The following KCNIP1 variants were observed in gnomAD, a reference collection of about 807,000 sequenced individuals.
The protein encoded by KCNIP1 is A-type potassium channel modulatory protein KCNIP1.
A neutral mutation model predicts 33.0 loss-of-function variants in KCNIP1; 18 were observed. The ratio of observed to expected loss-of-function variants is 0.55; its 90% CI spans 0.38 to 0.81. KCNIP1 has a LOEUF of 0.81. Ranked by LOEUF, KCNIP1 falls within the 30% of genes least tolerant of loss-of-function variation. The pLI is 0.00. For synonymous variants in KCNIP1, 93 were observed against 98.3 expected (o/e 0.95, Z 0.32); for missense variants, 238 against 271.6 (o/e 0.88, Z 0.87).
At chr5:170,426,247 TCA>T (rs143211356) in intron 1 of KCNIP1, among the ~76,000 whole-genome samples, 32 of 149,226 alleles carry the variant, frequency 2.1e-4, no homozygotes, top group East Asian at 3.9e-4. Context: ...TCAAAAGGAA[TCA>T]CACACACACA....
chr5:170,451,723 T>TGTGTGTGTGTGTGTGTGTG lies in KCNIP1; in HGVS notation c.88+97759_88+97760insGTGTGTGTGTGTGTGTGTG, dbSNP rs1756255311. Among the ~76,000 whole-genome samples the TGTGTGTGTGTGTGTGTGTG allele has an allele frequency of 1.5e-3, 189 of 122,976 alleles. 1 individual carries two copies. Among genetic ancestry groups the TGTGTGTGTGTGTGTGTGTG allele is most frequent in the African/African-American group, 4.9e-3 (152 of 31,114 alleles). 80.7% of individuals were successfully genotyped at this position (122,976 alleles called of 152,430 possible). A position where few individuals can be genotyped will look rare whatever the true frequency, so the allele number is the denominator to read the frequency against. On this transcript the variant is annotated intron_variant, in intron 1 of 7. Coordinates refer to the KCNIP1 transcript ENST00000377360. ...GACAGTTGCTTCAGCTTCTCCTGCATTGTGTGTGTGTGTGTGTGTGTGTGT... is the reference window on the plus strand; with the variant it reads ...GACAGTTGCTTCAGCTTCTCCTGCATGTGTGTGTGTGTGTGTGTGTGTGTGTGTGTGTGTGTGTGTGTGT...
chr5:170,710,630 T>C (rs1003956758), intron 1 of KCNIP1, among the ~76,000 whole-genome samples: 1 of 152,234 alleles, frequency 6.6e-6, no homozygotes, highest in African/African-American at 2.4e-5. Flanking sequence ...ACTGAGCTGT[T>C]TTCATGCAGG....
intron 1 of KCNIP1, among the ~76,000 whole-genome samples, chr5:170,408,721 C>T (rs1755101914): frequency 6.6e-6 from 1 of 152,086 alleles, no homozygotes; most frequent in African/African-American, 2.4e-5. Flanking sequence ...TTAAATACCC[C>T]CTGGCTTCTT....
intron 1 of KCNIP1, among the ~76,000 whole-genome samples, chr5:170,392,505 G>C (rs1324958918): frequency 6.6e-6 from 1 of 152,188 alleles, no homozygotes; most frequent in African/African-American, 2.4e-5. Context: ...ATTGCTATAT[G>C]GAGTGTTACA....
intron 1 of KCNIP1, among the ~76,000 whole-genome samples, chr5:170,711,491 C>T (rs867529036): frequency 2.6e-5 from 4 of 152,258 alleles, no homozygotes; most frequent in East Asian, 3.9e-4. Context: ...GGATACATGA[C>T]GTCATGCATT....
chr5:170,367,310 G>A (rs1461889994), intron 1 of KCNIP1, among the ~76,000 whole-genome samples: 11 of 137,026 alleles, frequency 8.0e-5, no homozygotes, highest in Admixed American at 3.9e-4. Context: ...GCAAAACTCC[G>A]TCTCAAAAAA....
chr5:170,470,972 A>G (rs1756709552), intron 1 of KCNIP1, among the ~76,000 whole-genome samples: 1 of 152,200 alleles, frequency 6.6e-6, no homozygotes, highest in Admixed American at 6.5e-5. Context: ...CTGAAACACA[A>G]CTCAGGGACG....
At chr5:170,589,758 G>A (rs796711209) in intron 1 of KCNIP1, among the ~76,000 whole-genome samples, 11,541 of 137,292 alleles carry the variant, frequency 0.084, 575 homozygotes, top group South Asian at 0.12. Flanking sequence ...GTGTGGTGTG[G>A]TGTGGTGTGG....
chr5:170,526,103 G>A lies in KCNIP1; in HGVS notation c.61+21470G>A, dbSNP rs529820723. Among the ~76,000 whole-genome samples, 6 of 152,266 alleles carry A rather than the reference G, an allele frequency of 3.9e-5. No homozygotes were observed. In the South Asian group the frequency reaches 6.2e-4, roughly 16 times the overall value. On this transcript the variant is annotated intron_variant, in intron 1 of 7. Transcript: ENST00000328939. ...GTGCTCAGGGTCATCAGGCACTTTCGCCTGTGGCTGGGATTGAGACCTGGC... is the reference window on the plus strand; with the variant it reads ...GTGCTCAGGGTCATCAGGCACTTTCACCTGTGGCTGGGATTGAGACCTGGC...
chr5:170,357,183 T>C (rs1763371415), intron 1 of KCNIP1, among the ~76,000 whole-genome samples: 2 of 152,134 alleles, frequency 1.3e-5, no homozygotes, highest in Admixed American at 6.5e-5. Context: ...CACAGTTGGT[T>C]TCTAGACTGA....
At chr5:170,596,043 C>T (rs536343755) in intron 1 of KCNIP1, among the ~76,000 whole-genome samples, 3 of 152,174 alleles carry the variant, frequency 2.0e-5, no homozygotes, top group Non-Finnish European at 4.4e-5. Flanking sequence ...GAGGCTCCCT[C>T]TAAGATGCAG....
At chr5:170,541,129 ACT>A (rs1260422749) in intron 1 of KCNIP1, among the ~76,000 whole-genome samples, 1 of 151,582 alleles carries the variant, frequency 6.6e-6, no homozygotes, top group Admixed American at 6.6e-5. Flanking sequence ...AGGCCCTTCC[ACT>A]CTCTGAGCCT....
intron 1 of KCNIP1, among the ~76,000 whole-genome samples, chr5:170,426,343 A>C (rs1196081835): frequency 1.3e-5 from 2 of 152,214 alleles, no homozygotes; most frequent in Non-Finnish European, 2.9e-5. Context: ...TGTTCCAGAC[A>C]AACCCTGTTA....
chr5:170,654,407 T>A (rs924860362), intron 1 of KCNIP1, among the ~76,000 whole-genome samples: 2 of 152,224 alleles, frequency 1.3e-5, no homozygotes, highest in Non-Finnish European at 1.5e-5. Context: ...CCATAAATTG[T>A]ATGTACTATT....
chr5:170,383,695 C>G (rs150439459), intron 1 of KCNIP1: 1 of 1,614,108 alleles, frequency 6.2e-7, no homozygotes, highest in Admixed American at 1.7e-5. Context: ...GTTCTGGTCC[C>G]GAGTGTCCTC....
intron 1 of KCNIP1, among the ~76,000 whole-genome samples, chr5:170,492,845 G>T (rs889063318): frequency 3.3e-5 from 5 of 152,182 alleles, no homozygotes; most frequent in Non-Finnish European, 1.5e-5. Flanking sequence ...TGCCTCCCAG[G>T]TTCAAGTGAT....
chr5:170,642,590 C>T (rs1760613142), intron 1 of KCNIP1, among the ~76,000 whole-genome samples: 1 of 152,178 alleles, frequency 6.6e-6, no homozygotes, highest in Non-Finnish European at 1.5e-5. Flanking sequence ...GCCAGCGCTC[C>T]CATGCCCCAT....
At chr5:170,425,723 C>T (rs967873026) in intron 1 of KCNIP1, among the ~76,000 whole-genome samples, 3 of 152,220 alleles carry the variant, frequency 2.0e-5, no homozygotes, top group Non-Finnish European at 4.4e-5. Context: ...GCCTCTGTGC[C>T]ATGAAGAAGA....
At chr5:170,393,582 G>A (rs1220917611) in intron 1 of KCNIP1, among the ~76,000 whole-genome samples, 1 of 152,236 alleles carries the variant, frequency 6.6e-6, no homozygotes. Flanking sequence ...AGTGAAAGAT[G>A]TGTTTTAAAT....
Sources: allele counts gnomAD v4.1 joint callset (sites outside exome capture counted in the v4.1 genomes callset), GRCh38; gene constraint gnomAD v4.1.1; transcripts MANE v1.5; gene names NCBI Gene and HGNC (gene_info 2026-07-23, HGNC 2026-07-21).